Variants in LAMA3 observed in about 807,000 individuals in gnomAD.
The protein encoded by LAMA3 is laminin subunit alpha 3, also known as laminin subunit alpha-3.
In LAMA3, 281 loss-of-function variants were observed where a neutral mutation model predicts 402.0. That is an observed-to-expected ratio of 0.70 (90% CI 0.63 to 0.77). LAMA3 has a LOEUF of 0.77. Ranked by LOEUF, LAMA3 falls within the 30% of genes least tolerant of loss-of-function variation. The pLI, the probability that LAMA3 is intolerant of heterozygous loss-of-function variation, is 0.00. For missense variants in LAMA3, 3,840 were observed against 4,215.5 expected (o/e 0.91, Z 2.47); for synonymous variants, 1,431 against 1,558.4 (o/e 0.92, Z 1.93).
At chr18:23,758,762 T>G (rs957711205) in intron 7 of LAMA3, among the ~76,000 whole-genome samples, 2 of 152,238 alleles carry the variant, frequency 1.3e-5, no homozygotes, top group African/African-American at 4.8e-5. Flanking sequence ...CTTTAATACG[T>G]TGACCTCTTT....
chr18:23,843,989 A>G (rs1327676541), intron 29 of LAMA3, among the ~76,000 whole-genome samples: 1 of 152,148 alleles, frequency 6.6e-6, no homozygotes, highest in East Asian at 1.9e-4. Context: ...GCCCTCCAGG[A>G]AGCATTGCCC....
Position 23,819,829 on chromosome 18 carries a change from TA to T in LAMA3, c.2148-10del, listed in dbSNP as rs895849440. 6.2e-7 allele frequency: 1 copy of T among 1,613,230 alleles called. No individual in the cohort carries two copies. Among genetic ancestry groups the T allele is most frequent in the Non-Finnish European group, 8.5e-7 (1 of 1,179,280 alleles). On this transcript the variant is annotated splice_polypyrimidine_tract_variant and intron_variant, in intron 18 of 74. Coordinates refer to ENST00000313654, the MANE Select transcript of LAMA3 (RefSeq NM_198129.4). Reference sequence around the variant, plus strand: ...TAACCTCCTGTATGTGTTTACTTTTTAATTATGAAAGGCCTGAAAACAACTA... The same window carrying T: ...TAACCTCCTGTATGTGTTTACTTTTTATTATGAAAGGCCTGAAAACAACTA...
chr18:23,771,712 G>A lies in LAMA3; in HGVS notation c.1183-1785G>A, dbSNP rs184345127. Among the ~76,000 whole-genome samples the A allele has an allele frequency of 2.4e-3, 360 of 152,276 alleles. 1 individual carries two copies. The highest frequency in any genetic ancestry group is 8.2e-3 in the African/African-American group (340 of 41,538). On this transcript the variant is annotated intron_variant, in intron 8 of 74. Coordinates refer to ENST00000313654, the MANE Select transcript of LAMA3 (RefSeq NM_198129.4). Reference sequence around the variant, plus strand: ...TAAGATGAATTAGTGGATGGATAGAGGAATGGATGGATGGATAATTATGTG... The same window carrying A: ...TAAGATGAATTAGTGGATGGATAGAAGAATGGATGGATGGATAATTATGTG...
At chr18:23,819,297 A>G (rs947747079) in intron 18 of LAMA3, among the ~76,000 whole-genome samples, 25 of 152,262 alleles carry the variant, frequency 1.6e-4, no homozygotes, top group Middle Eastern at 3.4e-3. Flanking sequence ...TAATAGGCAT[A>G]TAGTTTAAGA....
At chr18:23,692,074 C>T (rs907018059) in intron 1 of LAMA3, among the ~76,000 whole-genome samples, 1 of 152,168 alleles carries the variant, frequency 6.6e-6, no homozygotes, top group African/African-American at 2.4e-5. Flanking sequence ...AAGCGAGGGG[C>T]CCTTCGAAGT....
At chr18:23,858,946 G>C in intron 34 of LAMA3, 117 bp downstream of exon 34, 1 of 1,096,526 alleles carries the variant, frequency 9.1e-7, no homozygotes, top group South Asian at 1.3e-5. Flanking sequence ...TCCTGAATTC[G>C]TCAGTTGTTT....
rs115629698 is a variant in LAMA3, at chr18:23,846,602, G to C, written c.3931+94G>C. 705 of 1,117,660 alleles carry C rather than the reference G, an allele frequency of 6.3e-4. 6 individuals are homozygous for C. In the African/African-American group the frequency reaches 9.9e-3, roughly 16 times the overall value. 69.2% of individuals were successfully genotyped at this position (1,117,660 alleles called of 1,614,324 possible). The stretch of plus-strand genomic sequence containing the variant: ...GCTTCTTCAGTGGCACTGTGCTAGA[G>C]ACTCACCTGGAGATCTGGAGAAATG... On this transcript the variant is annotated intron_variant, in intron 31 of 74. Coordinates refer to ENST00000313654, the MANE Select transcript of LAMA3 (RefSeq NM_198129.4).
At chr18:23,911,199 GGA>G (rs2081414286) in intron 55 of LAMA3, among the ~76,000 whole-genome samples, 1 of 152,138 alleles carries the variant, frequency 6.6e-6, no homozygotes, top group Non-Finnish European at 1.5e-5. Flanking sequence ...GGGGTGAGTA[GGA>G]GAGAGAGGCG....
chr18:23,725,682 C>T (rs985741208), intron 2 of LAMA3, among the ~76,000 whole-genome samples: 2 of 152,186 alleles, frequency 1.3e-5, no homozygotes, highest in African/African-American at 4.8e-5. Context: ...CCAGGACTTG[C>T]GCAGCTCACT....
At chr18:23,759,063 T>G (rs1464995875) in intron 7 of LAMA3, among the ~76,000 whole-genome samples, 1 of 151,964 alleles carries the variant, frequency 6.6e-6, no homozygotes, top group Non-Finnish European at 1.5e-5. Flanking sequence ...TTGTTTTTGT[T>G]TTTTAGGCCT....
At chr18:23,745,334 C>T (rs1417266989) in intron 2 of LAMA3, among the ~76,000 whole-genome samples, 1 of 152,158 alleles carries the variant, frequency 6.6e-6, no homozygotes, top group Non-Finnish European at 1.5e-5. Flanking sequence ...ACTGAAGCTA[C>T]TTCTTTCATA....
In LAMA3 at chr18:23,951,753, G is replaced by T. The variant is rs765524410; in HGVS notation, c.9712G>T (p.Asp3238Tyr). 4.3e-6 allele frequency: 7 copies of T among 1,613,906 alleles called. No individual in the cohort carries two copies. The highest frequency in any genetic ancestry group is 5.9e-6 in the Non-Finnish European group (7 of 1,179,816). The part of the protein sequence containing the change: ...TSVTPKQSLC[D>Y]GQWHSVAVTI... ...GGTCACACCAAAGCAGTCTCTGTGT[G>T]ATGGACAGTGGCACTCGGTGGCAGG... Residue 3238 changes from aspartate (D) to tyrosine (Y), a missense_variant, in exon 73 of 75, where the codon GAT becomes TAT. By Grantham distance (160) the Asp-to-Tyr change is radical (BLOSUM62 -3). Coordinates refer to ENST00000313654, the MANE Select transcript of LAMA3 (RefSeq NM_198129.4).
At chr18:23,695,388 G>A (rs145298486) in intron 1 of LAMA3, among the ~76,000 whole-genome samples, 80 of 152,242 alleles carry the variant, frequency 5.3e-4, no homozygotes, top group African/African-American at 1.8e-3. Flanking sequence ...AGCAGAGAGG[G>A]GACCCTGCAT....
chr18:23,916,479 T>G, intron 59 of LAMA3, 72 bp from the exon 60 acceptor site: 1 of 1,537,114 alleles, frequency 6.5e-7, no homozygotes, highest in Non-Finnish European at 9.0e-7. Context: ...AGCAACATCT[T>G]GTATTAATAA....
At position 23,953,091 on chromosome 18, in the gene LAMA3, C is replaced by T. The variant is rs2082976865; in HGVS notation, c.9838C>T (p.His3280Tyr). 4 of 1,613,996 alleles carry T rather than the reference C, an allele frequency of 2.5e-6. No homozygotes were observed. The highest frequency in any genetic ancestry group is 1.3e-5 in the African/African-American group (1 of 74,936). ...ACCTGCCAGCACTCAAGAGCCACTA[C>T]ACCTTGGAGGTGCTCCAGGTAACTC... ...FPPASTQEPLHLGGAPANLTT... is the reference protein window; with the variant it reads ...FPPASTQEPLYLGGAPANLTT... Residue 3280 changes from histidine (H) to tyrosine (Y), a missense_variant, in exon 74 of 75, where the codon CAC becomes TAC. This residue lies in a region of LAMA3 where 840 missense variants were observed against 981.9 expected (regional missense o/e 0.86). Transcript: ENST00000313654.
At chr18:23,921,173 A>C in intron 61 of LAMA3, 119 bp downstream of exon 61, 1 of 1,159,026 alleles carries the variant, frequency 8.6e-7, no homozygotes, top group South Asian at 1.3e-5. Flanking sequence ...TATGGATGTT[A>C]ACTGAGGGAT....
rs146675756 is a variant in LAMA3 at position 23,693,121 on chromosome 18, A to G, written c.294+3144A>G. On this transcript the variant is annotated intron_variant, in intron 1 of 74. Transcript: ENST00000313654. ...CACTTTGGGAGGCCGAGGTGGGCGG[A>G]TCGCCTGAGGTTGGACGTTCAAGAC... Among the ~76,000 whole-genome samples the G allele has an allele frequency of 2.6e-5, 4 of 152,334 alleles. No homozygotes were observed. In the East Asian group the frequency reaches 7.7e-4, roughly 29 times the overall value.
intron 23 of LAMA3, among the ~76,000 whole-genome samples, chr18:23,827,993 T>C (rs955647800): frequency 6.6e-6 from 1 of 152,232 alleles, no homozygotes; most frequent in African/African-American, 2.4e-5. Flanking sequence ...GTATTACTTT[T>C]CTTCCAGGAG....
chr18:23,715,070 G>T (rs2061071546), intron 2 of LAMA3, among the ~76,000 whole-genome samples: 1 of 152,188 alleles, frequency 6.6e-6, no homozygotes, highest in Admixed American at 6.5e-5. Context: ...TCTATAGAGA[G>T]AAAAGTAGCT....
Sources: allele counts gnomAD v4.1 joint callset (sites outside exome capture counted in the v4.1 genomes callset), GRCh38; gene constraint gnomAD v4.1.1; regional missense constraint gnomAD v4.1.1; transcripts MANE v1.5; gene names NCBI Gene and HGNC (gene_info 2026-07-23, HGNC 2026-07-21).